SLF1: variants seen among roughly 807,000 people sequenced by gnomAD.
SLF1 encodes SMC5-SMC6 complex localization factor protein 1.
A neutral mutation model predicts 123.0 loss-of-function variants in SLF1; 105 were observed. The observed-to-expected ratio is 0.85, with a 90% confidence interval of 0.73 to 1.00. The LOEUF (loss-of-function observed/expected upper bound fraction) is 1.00, where lower values mean the gene tolerates loss of function less well. Among genes scored for constraint, SLF1 ranks in the 50% least tolerant of loss-of-function variants. The pLI, the probability that SLF1 is intolerant of heterozygous loss-of-function variation, is 0.00. For missense variants in SLF1, 1,239 were observed against 1,223.0 expected, an observed-to-expected ratio of 1.01 and a Z score of -0.20; for synonymous variants, 434 against 406.6, an observed-to-expected ratio of 1.07 and a Z score of -0.81.
chr5:94,654,162 C>A (rs776620082), intron 8 of SLF1, among the ~76,000 whole-genome samples: 3 of 151,722 alleles, frequency 2.0e-5, no homozygotes, highest in Non-Finnish European at 4.4e-5. Flanking sequence ...AAGAGTAAGA[C>A]CCCATCTCAA....
chr5:94,688,383 G>C, intron 16 of SLF1, 123 bp from the exon 17 acceptor site: 1 of 947,414 alleles, frequency 1.1e-6, no homozygotes, highest in South Asian at 1.9e-5. Context: ...CCAAGATAGA[G>C]TGGCAACCAT....
chr5:94,663,601 C>A, intron 10 of SLF1, 149 bp from the exon 11 acceptor site: 1 of 676,754 alleles, frequency 1.5e-6, no homozygotes, highest in Non-Finnish European at 2.3e-6. Context: ...GCCGAGATCG[C>A]ACCACTGCAT....
In SLF1 at chr5:94,651,768, A is replaced by G. The variant is rs1585151900; in HGVS notation, c.805A>G (p.Lys269Glu). ...TTTGATTCAACATCACAAAAAAGAA[A>G]AATTCAGTGGTTCCAGTAAAGATTT... ...SILIQHHKKE[K>E]FSGSSKDLKF... Residue 269 changes from lysine (K) to glutamate (E), a missense_variant, in exon 7 of 21, where the codon AAA becomes GAA. Physicochemically the swap from Lys to Glu is moderately conservative, Grantham distance 56. Coordinates refer to ENST00000265140, the MANE Select transcript of SLF1 (RefSeq NM_032290.4). 8 of 1,530,572 alleles carry G rather than the reference A, an allele frequency of 5.2e-6. No individual in the cohort carries two copies. The highest frequency in any genetic ancestry group is 7.0e-6 in the Non-Finnish European group (8 of 1,135,094). The allele number at this position is 1,530,572 out of a possible 1,614,324, so 94.8% of individuals were successfully genotyped here. A position where few individuals can be genotyped will look rare whatever the true frequency, so the allele number is the denominator to read the frequency against.
intron 1 of SLF1, among the ~76,000 whole-genome samples, chr5:94,625,954 T>C (rs1306677760): frequency 6.6e-6 from 1 of 152,010 alleles, no homozygotes; most frequent in African/African-American, 2.4e-5. Flanking sequence ...GTAAATGGTT[T>C]TAAAAAATTG....
At position 94,662,327 on chromosome 5, in the gene SLF1, TAAAC is replaced by T; in HGVS notation, c.1188_1191del (p.Lys396AsnfsTer6). 6 of 1,550,214 alleles carry T rather than the reference TAAAC, an allele frequency of 3.9e-6. No homozygotes were observed. The highest frequency in any genetic ancestry group is 1.2e-5 in the South Asian group (1 of 83,822). ...TCAGATACAACTGCATTAGAATAGA[TAAAC>T]AACCAGTGTACAACGTAGAGGTAAG... On this transcript the variant is annotated frameshift_variant, in exon 10 of 21. Transcript: ENST00000265140. LOFTEE classifies it high-confidence loss of function.
intron 1 of SLF1, among the ~76,000 whole-genome samples, chr5:94,619,101 C>T (rs1406875205): frequency 1.3e-5 from 2 of 152,142 alleles, no homozygotes; most frequent in East Asian, 1.9e-4. Flanking sequence ...GCCGCTCGGC[C>T]CGCCGCCTGG....
At chr5:94,694,638 G>T (rs890625313) in intron 20 of SLF1, among the ~76,000 whole-genome samples, 193 bp from the exon 21 acceptor site, 2 of 151,590 alleles carry the variant, frequency 1.3e-5, no homozygotes, top group Admixed American at 1.3e-4. Context: ...ACCTTATTAG[G>T]TAATTGACTA....
At chr5:94,623,912 T>C (rs1257140019) in intron 1 of SLF1, among the ~76,000 whole-genome samples, 1 of 152,192 alleles carries the variant, frequency 6.6e-6, no homozygotes, top group Non-Finnish European at 1.5e-5. Context: ...AGTTTTCCTG[T>C]GTAACTGCAT....
chr5:94,682,494 C>G (rs1355969836), intron 15 of SLF1, among the ~76,000 whole-genome samples: 1 of 152,162 alleles, frequency 6.6e-6, no homozygotes, highest in African/African-American at 2.4e-5. Context: ...GTCCATCTTT[C>G]TCAATTATGG....
chr5:94,679,171 T>C (rs1751462221), intron 15 of SLF1, among the ~76,000 whole-genome samples: 1 of 152,206 alleles, frequency 6.6e-6, no homozygotes, highest in East Asian at 1.9e-4. Context: ...CTGTTAACTT[T>C]TTAATGTCTT....
chr5:94,653,131 A>G, intron 7 of SLF1, 141 bp from the exon 8 acceptor site: 1 of 731,194 alleles, frequency 1.4e-6, no homozygotes, highest in South Asian at 2.1e-5. Context: ...TGCAGAGATT[A>G]CAGGCATGAG....
At position 94,695,583 on chromosome 5, in the gene SLF1, A is replaced by G. The variant is rs1585254434; in HGVS notation, c.*271A>G. ...TTCATTAATGTTTTTTTGTTCTGAA[A>G]GTGATATTATATTGTACATGTAAAA... On this transcript the variant is annotated 3_prime_UTR_variant, in exon 21 of 21. Coordinates refer to ENST00000265140, the MANE Select transcript of SLF1 (RefSeq NM_032290.4). The G allele has an allele frequency of 4.8e-6, 1 of 206,220 alleles. No individual in the cohort carries two copies. Among genetic ancestry groups the G allele is most frequent in the East Asian group, 1.1e-4 (1 of 8,964 alleles). 12.8% of individuals were successfully genotyped at this position (206,220 alleles called of 1,614,324 possible). A position where few individuals can be genotyped will look rare whatever the true frequency, so the allele number is the denominator to read the frequency against.
chr5:94,642,167 A>G (rs1746522365), intron 4 of SLF1, among the ~76,000 whole-genome samples: 1 of 152,222 alleles, frequency 6.6e-6, no homozygotes, highest in African/African-American at 2.4e-5. Flanking sequence ...CTTTTGCTTT[A>G]TATGAGAGAA....
In SLF1 at chr5:94,678,933, T is replaced by C; in HGVS notation, c.1953T>C (p.Ser651=). Residue 651 remains serine (S), a synonymous_variant, in exon 15 of 21, where the codon AGT becomes AGC. Transcript: ENST00000265140. ...GACACATGTCTGATGACTTAGGAAG[T>C]TATGTTTCTCTTTCGTGTGATGGTA... ...VMRHMSDDLG[S]YVSLSCDDFS... is the part of the protein sequence containing the mutation. 6.2e-7 allele frequency: 1 copy of C among 1,613,104 alleles called. No homozygotes were observed. Among genetic ancestry groups the C allele is most frequent in the Non-Finnish European group, 8.5e-7 (1 of 1,179,538 alleles).
rs192285584 is a variant in SLF1 at position 94,640,835 on chromosome 5, T to G, written c.432-2438T>G. Among the ~76,000 whole-genome samples, 206 of 152,338 alleles carry G rather than the reference T, an allele frequency of 1.4e-3. 3 individuals carry two copies. Among genetic ancestry groups the G allele is most frequent in the Admixed American group, 0.013 (202 of 15,298 alleles). ...TTGAACTCTCCAGTGAATTCCTCAT[T>G]TCTTCAAGTATGTTGTCCACTTTTT... On this transcript the variant is annotated intron_variant, in intron 4 of 20. Coordinates refer to ENST00000265140, the MANE Select transcript of SLF1 (RefSeq NM_032290.4).
intron 1 of SLF1, among the ~76,000 whole-genome samples, chr5:94,624,156 G>C (rs1160292351): frequency 6.6e-6 from 1 of 152,078 alleles, no homozygotes; most frequent in Non-Finnish European, 1.5e-5. Flanking sequence ...ATTCTGATTT[G>C]TCTTTAAACA....
intron 17 of SLF1, among the ~76,000 whole-genome samples, chr5:94,688,994 G>T (rs1752761876): frequency 6.6e-6 from 1 of 151,190 alleles, no homozygotes; most frequent in East Asian, 2.0e-4. Flanking sequence ...ATGGTCATAT[G>T]AGATATCCTG....
At position 94,643,449 on chromosome 5, in the gene SLF1, A is replaced by AATGTT; in HGVS notation, c.594+14_594+15insATGTT. On this transcript the variant is annotated intron_variant, in intron 5 of 20. Transcript: ENST00000265140. ...TTTCTTTTAGAGGTAAGTAAAATAA[A>AATGTT]TAGTAAACATTTTATTTTGTTTCAT... The AATGTT allele has an allele frequency of 7.2e-7, 1 of 1,385,552 alleles. No individual in the cohort carries two copies. Among genetic ancestry groups the AATGTT allele is most frequent in the Non-Finnish European group, 9.6e-7 (1 of 1,042,616 alleles). 85.8% of individuals were successfully genotyped at this position (1,385,552 alleles called of 1,614,324 possible). A position where few individuals can be genotyped will look rare whatever the true frequency, so the allele number is the denominator to read the frequency against.
intron 16 of SLF1, among the ~76,000 whole-genome samples, chr5:94,687,513 A>G (rs1347125738): frequency 6.6e-6 from 1 of 152,132 alleles, no homozygotes; most frequent in Non-Finnish European, 1.5e-5. Flanking sequence ...CCTGGGCAAC[A>G]TAGCAATACT....
Sources: gnomAD v4.1 joint callset for allele counts (sites outside exome capture counted in the v4.1 genomes callset) on GRCh38, gnomAD v4.1.1 for gene constraint, MANE v1.5 for transcripts, NCBI Gene and HGNC (gene_info 2026-07-23, HGNC 2026-07-21) for gene names.